ANO10: variants seen among roughly 807,000 people sequenced by gnomAD.
ANO10 encodes the protein anoctamin 10.
Under a neutral mutation model 74.7 loss-of-function variants are expected in ANO10, and 77 were observed. The observed-to-expected ratio is 1.03, with a 90% confidence interval of 0.86 to 1.25. The LOEUF is 1.25. ANO10 is among the 50% of genes most tolerant of loss of function. The probability of loss-of-function intolerance (pLI) is 0.00; values close to 1 mark genes in which losing one functional copy is unlikely to be tolerated. For missense variants in ANO10, 721 were observed against 778.1 expected (o/e 0.93, Z 0.87); for synonymous variants, 279 against 284.9 (o/e 0.98, Z 0.21).
chr3:43,438,025 G>A (rs34548104), intron 11 of ANO10, among the ~76,000 whole-genome samples: 29,188 of 152,072 alleles, frequency 0.19, 3,238 homozygotes, highest in Middle Eastern at 0.36. Context: ...GAGGTCACAG[G>A]CAACTAAATA....
At chr3:43,654,717 C>T (rs1241386177) in intron 1 of ANO10, among the ~76,000 whole-genome samples, 1 of 152,178 alleles carries the variant, frequency 6.6e-6, no homozygotes, top group Non-Finnish European at 1.5e-5. Flanking sequence ...GAGAAGTGGT[C>T]ATCCTCACTG....
chr3:43,467,748 T>C (rs1328654526), intron 11 of ANO10, among the ~76,000 whole-genome samples: 1 of 152,234 alleles, frequency 6.6e-6, no homozygotes, highest in Non-Finnish European at 1.5e-5. Flanking sequence ...AAATTATACT[T>C]CAAGAAAGCT....
At chr3:43,674,040 T>A (rs2084091498) in intron 1 of ANO10, among the ~76,000 whole-genome samples, 2 of 152,146 alleles carry the variant, frequency 1.3e-5, no homozygotes, top group African/African-American at 4.8e-5. Context: ...ATTTCAAGGG[T>A]CATGACTAAT....
chr3:43,690,994 T>C (rs2084363013), intron 1 of ANO10: 2 of 1,571,978 alleles, frequency 1.3e-6, no homozygotes, highest in African/African-American at 1.4e-5. Context: ...GCGGCGGCTA[T>C]GGCGGCGGAG....
intron 4 of ANO10, among the ~76,000 whole-genome samples, chr3:43,588,196 C>T (rs973513870): frequency 2.6e-5 from 4 of 151,962 alleles, no homozygotes; most frequent in African/African-American, 7.2e-5. Flanking sequence ...ATTAGCATGC[C>T]TTACAAGCTA....
intron 1 of ANO10, among the ~76,000 whole-genome samples, chr3:43,650,006 G>A (rs911082129): frequency 2.0e-5 from 3 of 151,674 alleles, no homozygotes; most frequent in African/African-American, 7.3e-5. Flanking sequence ...TCCCATGTAC[G>A]GCGTAAGTGT....
At chr3:43,633,127 C>T (rs4682898) in intron 1 of ANO10, among the ~76,000 whole-genome samples, 117,658 of 152,106 alleles carry the variant, frequency 0.77, 46,036 homozygotes, top group East Asian at 0.89. Flanking sequence ...TTTATTTTCA[C>T]GTATTAAAAG....
intron 7 of ANO10, among the ~76,000 whole-genome samples, chr3:43,566,200 C>G (rs370159604): frequency 1.3e-5 from 2 of 152,306 alleles, no homozygotes; most frequent in East Asian, 1.9e-4. Context: ...CACGGAGTCT[C>G]GCTGATTGCT....
chr3:43,549,932 A>G, intron 10 of ANO10, 84 bp from the exon 11 acceptor site: 2 of 1,501,994 alleles, frequency 1.3e-6, no homozygotes, highest in Non-Finnish European at 1.8e-6. Flanking sequence ...CTAAAAATCA[A>G]GGAAAATGTC....
chr3:43,428,305 C>A (rs1310721354), intron 12 of ANO10, among the ~76,000 whole-genome samples: 2 of 152,088 alleles, frequency 1.3e-5, no homozygotes, highest in Non-Finnish European at 2.9e-5. Flanking sequence ...CCACCTCGGT[C>A]TCCCAAAGTG....
Position 43,393,156 on chromosome 3 carries a change from T to C in ANO10, c.1915-26182A>G, listed in dbSNP as rs539495067. ...CCAGCCCAGACTTTCCTCTGAATTC[T>C]ACACTCACATAACCAATGCCTACCT... On this transcript the variant is annotated intron_variant, in intron 12 of 12. Coordinates refer to ENST00000292246, the MANE Select transcript of ANO10 (RefSeq NM_018075.5). 1.4e-4 allele frequency among the ~76,000 whole-genome samples: 21 copies of C among 152,350 alleles called. No homozygotes were observed. In the East Asian group the frequency reaches 3.3e-3, roughly 24 times the overall value.
intron 4 of ANO10, among the ~76,000 whole-genome samples, chr3:43,592,681 C>G (rs2081852225): frequency 6.6e-6 from 1 of 152,178 alleles, no homozygotes; most frequent in South Asian, 2.1e-4. Context: ...TTCTAAAAAT[C>G]AGAGCACCTC....
intron 4 of ANO10, among the ~76,000 whole-genome samples, chr3:43,593,537 T>C (rs140936766): frequency 8.2e-4 from 125 of 152,272 alleles, no homozygotes; most frequent in African/African-American, 2.8e-3. Context: ...ACAAATAAAA[T>C]ACTTTACAGA....
At chr3:43,591,716 C>A (rs1044920165) in intron 4 of ANO10, among the ~76,000 whole-genome samples, 5 of 152,182 alleles carry the variant, frequency 3.3e-5, no homozygotes, top group Non-Finnish European at 7.3e-5. Flanking sequence ...ACTGAGGTAC[C>A]AGGTTCATCT....
intron 11 of ANO10, among the ~76,000 whole-genome samples, chr3:43,539,362 C>A (rs1307070884): frequency 6.6e-6 from 1 of 152,046 alleles, no homozygotes; most frequent in Admixed American, 6.6e-5. Context: ...AAAAATAAAA[C>A]CAAACGTGCT....
intron 4 of ANO10, among the ~76,000 whole-genome samples, chr3:43,589,613 C>CAAAT (rs535390372): frequency 1.1e-3 from 162 of 152,154 alleles, no homozygotes; most frequent in African/African-American, 3.3e-3. Flanking sequence ...GACTCTGTCT[C>CAAAT]AAATAAATAA....
At chr3:43,562,690 A>G (rs928102245) in intron 8 of ANO10, among the ~76,000 whole-genome samples, 3 of 151,924 alleles carry the variant, frequency 2.0e-5, no homozygotes, top group Non-Finnish European at 4.4e-5. Context: ...AAAAAAAAAA[A>G]AGAAGAATGT....
intron 11 of ANO10, among the ~76,000 whole-genome samples, chr3:43,516,646 T>A (rs890056246): frequency 1.1e-4 from 16 of 152,296 alleles, no homozygotes; most frequent in African/African-American, 3.6e-4. Context: ...AGGTGCTTAC[T>A]GAAATACTCC....
chr3:43,632,497 C>T (rs1430614917), intron 1 of ANO10, among the ~76,000 whole-genome samples: 1 of 152,266 alleles, frequency 6.6e-6, no homozygotes, highest in Non-Finnish European at 1.5e-5. Flanking sequence ...AGGCCTAGAA[C>T]GGTAATGACT....
Sources: allele counts gnomAD v4.1 joint callset (sites outside exome capture counted in the v4.1 genomes callset), GRCh38; gene constraint gnomAD v4.1.1; transcripts MANE v1.5; gene names NCBI Gene and HGNC (gene_info 2026-07-23, HGNC 2026-07-21).